The following RAB28 variants were observed in gnomAD, a reference collection of about 807,000 sequenced individuals.
RAB28 encodes the protein RAB28, member RAS oncogene family.
A neutral mutation model predicts 31.7 loss-of-function variants in RAB28; 24 were observed. The observed-to-expected ratio is 0.76, with a 90% confidence interval of 0.55 to 1.06. The LOEUF (loss-of-function observed/expected upper bound fraction) is 1.06. Ranked by LOEUF, RAB28 falls within the 50% of genes least tolerant of loss-of-function variation. The probability of loss-of-function intolerance (pLI) is 0.00; values close to 1 mark genes in which losing one functional copy is unlikely to be tolerated. For missense variants in RAB28, 254 were observed against 258.5 expected, an observed-to-expected ratio of 0.98 and a Z score of 0.12; for synonymous variants, 100 against 90.4, an observed-to-expected ratio of 1.11 and a Z score of -0.60.
chr4:13,375,794 CAG>C (rs58965843), intron 6 of RAB28, among the ~76,000 whole-genome samples: 4,958 of 147,994 alleles, frequency 0.034, 144 homozygotes, highest in African/African-American at 0.081. Context: ...CACACACACA[CAG>C]AGAGAGAGAG....
chr4:13,457,007 C>T (rs1715336119), intron 4 of RAB28, among the ~76,000 whole-genome samples: 1 of 152,030 alleles, frequency 6.6e-6, no homozygotes, highest in Non-Finnish European at 1.5e-5. Context: ...TTTTTCTCTC[C>T]CTCCTTCTAC....
At chr4:13,482,750 C>T (rs1716669370) in intron 1 of RAB28, among the ~76,000 whole-genome samples, 1 of 152,110 alleles carries the variant, frequency 6.6e-6, no homozygotes, top group African/African-American at 2.4e-5. Context: ...CTTTAAAAAT[C>T]TGTAACAAAG....
intron 4 of RAB28, among the ~76,000 whole-genome samples, chr4:13,441,997 A>C (rs1046138635): frequency 9.2e-5 from 14 of 152,224 alleles, no homozygotes; most frequent in Non-Finnish European, 5.9e-5. Flanking sequence ...TTTATACATA[A>C]CTTGAGAGCA....
At chr4:13,415,419 CG>C in intron 4 of RAB28, among the ~76,000 whole-genome samples, 1 of 152,256 alleles carries the variant, frequency 6.6e-6, no homozygotes, top group South Asian at 2.1e-4. Context: ...AGGCGGGAAC[CG>C]GGGCTGCGCG....
intron 4 of RAB28, among the ~76,000 whole-genome samples, chr4:13,437,953 A>G (rs1189785887): frequency 6.6e-6 from 1 of 152,188 alleles, no homozygotes; most frequent in African/African-American, 2.4e-5. Context: ...CTAGGCGCAC[A>G]TCAAAAGTGG....
At chr4:13,396,923 TA>T (rs1395733777) in intron 4 of RAB28, among the ~76,000 whole-genome samples, 1 of 152,132 alleles carries the variant, frequency 6.6e-6, no homozygotes, top group Non-Finnish European at 1.5e-5. Context: ...TATTCTGAGA[TA>T]ATAAGGTTGC....
At chr4:13,438,606 T>C (rs1258932908) in intron 4 of RAB28, among the ~76,000 whole-genome samples, 1 of 152,196 alleles carries the variant, frequency 6.6e-6, no homozygotes, top group African/African-American at 2.4e-5. Flanking sequence ...CATGTATCAG[T>C]ATGTCACTCC....
chr4:13,471,901 A>T (rs1012197978), intron 3 of RAB28, among the ~76,000 whole-genome samples: 2 of 152,078 alleles, frequency 1.3e-5, no homozygotes, highest in African/African-American at 2.4e-5. Context: ...AAGTTCTAAG[A>T]ACTATAACAT....
chr4:13,407,081 C>A (rs370570314), intron 4 of RAB28, among the ~76,000 whole-genome samples: 1 of 152,124 alleles, frequency 6.6e-6, no homozygotes, highest in African/African-American at 2.4e-5. Context: ...AGTCTTTGCC[C>A]AAGCCTATTT....
intron 3 of RAB28, among the ~76,000 whole-genome samples, chr4:13,471,797 A>G (rs973927573): frequency 2.0e-5 from 3 of 152,102 alleles, no homozygotes; most frequent in African/African-American, 4.8e-5. Context: ...GTACATCCTT[A>G]TAAGAGTCAT....
intron 2 of RAB28, among the ~76,000 whole-genome samples, chr4:13,474,712 A>G (rs1716272314): frequency 6.6e-6 from 1 of 151,724 alleles, no homozygotes; most frequent in Non-Finnish European, 1.5e-5. Flanking sequence ...TGTTTTTCTT[A>G]GAGAACAGAA....
intron 6 of RAB28, chr4:13,369,869 A>G: frequency 6.2e-7 from 1 of 1,605,466 alleles, no homozygotes; most frequent in East Asian, 2.2e-5. Flanking sequence ...ATCACTTAAT[A>G]CCTGCACTAC....
At chr4:13,481,626 AG>A (rs1716608947) in intron 1 of RAB28, among the ~76,000 whole-genome samples, 1 of 152,140 alleles carries the variant, frequency 6.6e-6, no homozygotes, top group Non-Finnish European at 1.5e-5. Context: ...AGAAAAAAAA[AG>A]AATATTTTGC....
chr4:13,409,002 T>C (rs1018782674), intron 4 of RAB28, among the ~76,000 whole-genome samples: 1 of 152,200 alleles, frequency 6.6e-6, no homozygotes, highest in Non-Finnish European at 1.5e-5. Flanking sequence ...TATTTAATAG[T>C]AATTCTAATT....
chr4:13,448,101 AGTTTTC>A (rs1213402852), intron 4 of RAB28, among the ~76,000 whole-genome samples: 1 of 152,100 alleles, frequency 6.6e-6, no homozygotes, highest in Non-Finnish European at 1.5e-5. Context: ...AAATATCTAA[AGTTTTC>A]TGATACCCAG....
At position 13,448,356 on chromosome 4, in the gene RAB28, A is replaced by G. The variant is rs138227322; in HGVS notation, c.391+12343T>C. ...TAAGATGAATTATGCTTTTATTAGC[A>G]TTTAATAAATCTTCTCTATTATGAC... On this transcript the variant is annotated intron_variant, in intron 4 of 6. Transcript: ENST00000330852. Among the ~76,000 whole-genome samples the G allele has an allele frequency of 6.2e-3, 951 of 152,224 alleles. 9 individuals are homozygous for G. Among genetic ancestry groups the G allele is most frequent in the African/African-American group, 0.022 (916 of 41,580 alleles).
At chr4:13,440,863 A>G (rs957187471) in intron 4 of RAB28, among the ~76,000 whole-genome samples, 3 of 152,156 alleles carry the variant, frequency 2.0e-5, no homozygotes, top group Non-Finnish European at 2.9e-5. Flanking sequence ...ATGCACAGAA[A>G]AAAAAACATG....
intron 3 of RAB28, among the ~76,000 whole-genome samples, chr4:13,468,594 A>G (rs1284534205): frequency 6.6e-6 from 1 of 151,944 alleles, no homozygotes. Context: ...GAAAGTGTTT[A>G]GCATTGAATG....
intron 4 of RAB28, among the ~76,000 whole-genome samples, chr4:13,424,679 C>A (rs1194143398): frequency 1.3e-5 from 2 of 152,182 alleles, no homozygotes; most frequent in Non-Finnish European, 2.9e-5. Context: ...CAGATCTATA[C>A]ACCTAACATA....
Sources: allele counts gnomAD v4.1 joint callset (sites outside exome capture counted in the v4.1 genomes callset), GRCh38; gene constraint gnomAD v4.1.1; transcripts MANE v1.5; gene names NCBI Gene and HGNC (gene_info 2026-07-23, HGNC 2026-07-21).